Variants in COL25A1 observed in about 807,000 individuals in gnomAD.
COL25A1 encodes collagen type XXV alpha 1 chain, also known as collagen alpha-1(XXV) chain.
A neutral mutation model predicts 128.4 loss-of-function variants in COL25A1; 103 were observed. That is an observed-to-expected ratio of 0.80 (90% CI 0.68 to 0.94). The LOEUF is 0.94. COL25A1 is among the 40% of genes least tolerant of loss of function. The probability of loss-of-function intolerance (pLI) is 0.00; values close to 1 mark genes in which losing one functional copy is unlikely to be tolerated. For missense variants in COL25A1, 745 were observed against 840.0 expected, an observed-to-expected ratio of 0.89 and a Z score of 1.40; for synonymous variants, 279 against 277.2, an observed-to-expected ratio of 1.01 and a Z score of -0.06.
At chr4:108,981,924 G>A (rs1205958229) in intron 6 of COL25A1, among the ~76,000 whole-genome samples, 3 of 152,070 alleles carry the variant, frequency 2.0e-5, no homozygotes, top group African/African-American at 7.2e-5. Flanking sequence ...TCAACTTCCT[G>A]GCTAGGCACG....
chr4:109,173,494 A>G (rs146856448), intron 3 of COL25A1, among the ~76,000 whole-genome samples: 64 of 152,260 alleles, frequency 4.2e-4, no homozygotes, highest in African/African-American at 1.5e-3. Context: ...AGAAGCATAA[A>G]ATTTTATGGT....
intron 5 of COL25A1, among the ~76,000 whole-genome samples, chr4:109,021,409 A>G (rs541192445): frequency 1.3e-5 from 2 of 152,254 alleles, no homozygotes; most frequent in East Asian, 3.9e-4. Context: ...TTCCCTAATA[A>G]TACTCTAATA....
intron 26 of COL25A1, 51 bp from the exon 27 acceptor site, chr4:108,848,854 T>C: frequency 7.2e-7 from 1 of 1,387,640 alleles, no homozygotes; most frequent in Non-Finnish European, 1.0e-6. Context: ...GGTAACATAC[T>C]GCACTACATA....
chr4:109,093,249 G>A (rs1443166613), intron 3 of COL25A1, among the ~76,000 whole-genome samples: 2 of 152,064 alleles, frequency 1.3e-5, no homozygotes, highest in Non-Finnish European at 2.9e-5. Flanking sequence ...TTTAGTCTAA[G>A]ATGAAGTTCC....
At chr4:109,077,753 G>A (rs546256896) in intron 3 of COL25A1, among the ~76,000 whole-genome samples, 3 of 152,228 alleles carry the variant, frequency 2.0e-5, no homozygotes, top group African/African-American at 7.2e-5. Flanking sequence ...CATAATAGAT[G>A]GTGTTGAAAG....
At chr4:108,840,374 C>A (rs1006980925) in intron 31 of COL25A1, among the ~76,000 whole-genome samples, 1 of 152,112 alleles carries the variant, frequency 6.6e-6, no homozygotes, top group African/African-American at 2.4e-5. Context: ...CTGACCCCCC[C>A]TCCCAGATAG....
intron 3 of COL25A1, among the ~76,000 whole-genome samples, chr4:109,219,658 A>G (rs1178847159): frequency 6.6e-6 from 1 of 152,130 alleles, no homozygotes; most frequent in African/African-American, 2.4e-5. Flanking sequence ...TTTTCCATAA[A>G]CTTAACAGGA....
At chr4:108,939,039 A>G (rs1341242016) in intron 10 of COL25A1, among the ~76,000 whole-genome samples, 1 of 152,186 alleles carries the variant, frequency 6.6e-6, no homozygotes, top group East Asian at 1.9e-4. Flanking sequence ...ATAATTTTGG[A>G]TTGTGTGGTT....
At chr4:109,054,288 G>C (rs1481515086) in intron 3 of COL25A1, among the ~76,000 whole-genome samples, 1 of 152,072 alleles carries the variant, frequency 6.6e-6, no homozygotes. Context: ...AAAAACCTAT[G>C]GATTTTTCAC....
Position 108,993,511 on chromosome 4 carries a change from T to C in COL25A1, c.438+16847A>G, listed in dbSNP as rs140569786. ...CAACCTCCTTTTCCTAAAGCACTCA[T>C]ATGTACCATTTACAACTCAATAATA... On this transcript the variant is annotated intron_variant, in intron 6 of 37. Coordinates refer to ENST00000399132, the MANE Select transcript of COL25A1 (RefSeq NM_198721.4). Among the ~76,000 whole-genome samples the C allele has an allele frequency of 2.5e-3, 376 of 152,318 alleles. 1 individual carries two copies. Among genetic ancestry groups the C allele is most frequent in the African/African-American group, 8.7e-3 (360 of 41,582 alleles).
intron 31 of COL25A1, among the ~76,000 whole-genome samples, chr4:108,840,978 G>A (rs2125749091): frequency 6.6e-6 from 1 of 152,270 alleles, no homozygotes; most frequent in Middle Eastern, 3.4e-3. Flanking sequence ...ATTGAGATTA[G>A]AACATAAGTC....
In COL25A1 at chr4:108,813,595, T is replaced by G. The variant is rs1730981370; in HGVS notation, c.*332A>C. 3.8e-6 allele frequency: 1 copy of G among 260,018 alleles called. No homozygotes were observed. Among genetic ancestry groups the G allele is most frequent in the African/African-American group, 2.2e-5 (1 of 44,986 alleles). The allele number at this position is 260,018 out of a possible 1,614,324, so 16.1% of individuals were successfully genotyped here. A position where few individuals can be genotyped will look rare whatever the true frequency, so the allele number is the denominator to read the frequency against. On this transcript the variant is annotated 3_prime_UTR_variant, in exon 38 of 38. Coordinates refer to ENST00000399132, the MANE Select transcript of COL25A1 (RefSeq NM_198721.4). ...TTTCATGTAAACTATTTCATGGCAC[T>G]TTTTGTCCATGCAATTAGCAAGCCA...
At chr4:108,824,040 A>T (rs761977771) in intron 35 of COL25A1, 134 bp downstream of exon 35, 1 of 1,611,874 alleles carries the variant, frequency 6.2e-7, no homozygotes, top group Admixed American at 1.7e-5. Context: ...TGATTCCTTA[A>T]ATCAGGCATC....
chr4:109,186,406 T>A (rs562346972), intron 3 of COL25A1, among the ~76,000 whole-genome samples: 1 of 152,286 alleles, frequency 6.6e-6, no homozygotes, highest in African/African-American at 2.4e-5. Flanking sequence ...AGAAGAAAAA[T>A]TATATAAATG....
chr4:109,049,150 C>T (rs1042645461), intron 4 of COL25A1, among the ~76,000 whole-genome samples: 1 of 152,108 alleles, frequency 6.6e-6, no homozygotes, highest in Non-Finnish European at 1.5e-5. Context: ...ACACATTAAT[C>T]TGCTATCAGC....
intron 6 of COL25A1, among the ~76,000 whole-genome samples, chr4:109,000,551 G>C (rs1489737150): frequency 6.6e-6 from 1 of 151,796 alleles, no homozygotes; most frequent in Non-Finnish European, 1.5e-5. Flanking sequence ...TTTGAGACCA[G>C]CCTGGCCAAC....
intron 3 of COL25A1, among the ~76,000 whole-genome samples, chr4:109,268,698 G>A (rs551105761): frequency 3.9e-4 from 59 of 152,152 alleles, no homozygotes; most frequent in South Asian, 1.2e-3. Context: ...TTCTAAAGAA[G>A]ATTTCTTCCA....
At chr4:109,180,304 G>A (rs568817475) in intron 3 of COL25A1, among the ~76,000 whole-genome samples, 2 of 152,136 alleles carry the variant, frequency 1.3e-5, no homozygotes, top group African/African-American at 4.8e-5. Context: ...CTGAAGTGCA[G>A]ATAACAAGTT....
At chr4:108,932,831 A>G (rs915415010) in intron 11 of COL25A1, among the ~76,000 whole-genome samples, 4 of 152,232 alleles carry the variant, frequency 2.6e-5, no homozygotes, top group Admixed American at 2.0e-4. Flanking sequence ...AAAGATAAAG[A>G]TAATTTGTGC....
Sources: allele counts gnomAD v4.1 joint callset (sites outside exome capture counted in the v4.1 genomes callset), GRCh38; gene constraint gnomAD v4.1.1; transcripts MANE v1.5; gene names NCBI Gene and HGNC (gene_info 2026-07-23, HGNC 2026-07-21).